SGCZ: variants seen among roughly 807,000 people sequenced by gnomAD.
The protein encoded by SGCZ is zeta-sarcoglycan.
Under a neutral mutation model 41.3 loss-of-function variants are expected in SGCZ, and 40 were observed. The observed-to-expected ratio is 0.97, with a 90% CI of 0.75 to 1.26. SGCZ has a LOEUF of 1.26. SGCZ is among the 50% of genes most tolerant of loss of function. The probability of loss-of-function intolerance (pLI) is 0.00; values close to 1 mark genes in which losing one functional copy is unlikely to be tolerated. For missense variants in SGCZ, 552 were observed against 369.8 expected, an observed-to-expected ratio of 1.49 and a Z score of -4.04; for synonymous variants, 206 against 137.5, an observed-to-expected ratio of 1.50 and a Z score of -3.49.
At chr8:14,848,016 T>G (rs925666170) in intron 1 of SGCZ, among the ~76,000 whole-genome samples, 1 of 152,052 alleles carries the variant, frequency 6.6e-6, no homozygotes, top group East Asian at 1.9e-4. Flanking sequence ...AAGAAGTTAC[T>G]GGAAATAATA....
intron 6 of SGCZ, among the ~76,000 whole-genome samples, chr8:14,104,523 A>ATTAT (rs1386219504): frequency 3.3e-5 from 5 of 152,178 alleles, no homozygotes. Context: ...GCAAGAGGCA[A>ATTAT]TTATTAAATA....
intron 2 of SGCZ, among the ~76,000 whole-genome samples, chr8:14,335,634 T>C (rs1198364433): frequency 3.3e-5 from 5 of 152,146 alleles, no homozygotes; most frequent in Non-Finnish European, 7.4e-5. Flanking sequence ...CATATATTAT[T>C]GTCTCTCTCC....
At chr8:14,254,506 T>C (rs539266639) in intron 3 of SGCZ, among the ~76,000 whole-genome samples, 5 of 152,188 alleles carry the variant, frequency 3.3e-5, no homozygotes, top group Admixed American at 1.3e-4. Flanking sequence ...AAGCAGTAAA[T>C]GAAATGAATG....
chr8:14,422,632 C>A (rs1220666505), intron 2 of SGCZ, among the ~76,000 whole-genome samples: 1 of 152,170 alleles, frequency 6.6e-6, no homozygotes, highest in Non-Finnish European at 1.5e-5. Flanking sequence ...CTAAGAAAAC[C>A]AGCCCAGACT....
intron 1 of SGCZ, among the ~76,000 whole-genome samples, chr8:14,676,991 G>A (rs1367631465): frequency 1.3e-5 from 2 of 151,582 alleles, no homozygotes; most frequent in East Asian, 1.9e-4. Flanking sequence ...AAATAAACAA[G>A]GATATAAAGA....
chr8:14,246,909 CAAA>C (rs5889525), intron 3 of SGCZ, among the ~76,000 whole-genome samples: 74 of 84,308 alleles, frequency 8.8e-4, no homozygotes, highest in African/African-American at 1.4e-3. Flanking sequence ...GACTCCATCT[CAAA>C]AAAAAAAAAA....
chr8:14,717,288 C>G (rs552787425), intron 1 of SGCZ, among the ~76,000 whole-genome samples: 1 of 152,036 alleles, frequency 6.6e-6, no homozygotes, highest in South Asian at 2.1e-4. Context: ...GTAGGGAATA[C>G]ATGCTTTCTT....
At chr8:14,156,011 T>C (rs1803865303) in intron 5 of SGCZ, among the ~76,000 whole-genome samples, 1 of 152,070 alleles carries the variant, frequency 6.6e-6, no homozygotes, top group Non-Finnish European at 1.5e-5. Context: ...GATTAAATAA[T>C]GGTACACCCC....
intron 1 of SGCZ, among the ~76,000 whole-genome samples, chr8:15,071,468 T>C (rs1805347487): frequency 6.6e-6 from 1 of 152,226 alleles, no homozygotes. Context: ...ACTTAAAGTT[T>C]CCTGTGTAAT....
intron 1 of SGCZ, among the ~76,000 whole-genome samples, chr8:14,896,334 T>G (rs571095544): frequency 7.9e-5 from 12 of 152,276 alleles, no homozygotes; most frequent in African/African-American, 2.9e-4. Context: ...CTCAAATATG[T>G]AGAAGTTAAA....
At chr8:14,399,831 T>A (rs1799022680) in intron 2 of SGCZ, among the ~76,000 whole-genome samples, 1 of 152,164 alleles carries the variant, frequency 6.6e-6, no homozygotes, top group Admixed American at 6.6e-5. Flanking sequence ...ATTTTTAACA[T>A]CCTTATTGAG....
chr8:14,937,687 T>C (rs2130815116), intron 1 of SGCZ, among the ~76,000 whole-genome samples: 1 of 152,284 alleles, frequency 6.6e-6, no homozygotes, highest in South Asian at 2.1e-4. Flanking sequence ...TGAATTGTGT[T>C]GAGCTCTTAA....
At chr8:14,757,357 T>C (rs1291951375) in intron 1 of SGCZ, among the ~76,000 whole-genome samples, 1 of 152,180 alleles carries the variant, frequency 6.6e-6, no homozygotes, top group African/African-American at 2.4e-5. Context: ...CTTTCAACTG[T>C]CTTTTTAACT....
At chr8:14,860,323 CT>C (rs1324929264) in intron 1 of SGCZ, among the ~76,000 whole-genome samples, 2 of 151,864 alleles carry the variant, frequency 1.3e-5, no homozygotes, top group Non-Finnish European at 2.9e-5. Context: ...TACATTTTAC[CT>C]TTCTGATGCA....
intron 1 of SGCZ, among the ~76,000 whole-genome samples, chr8:15,180,848 C>T (rs554745360): frequency 1.1e-3 from 161 of 151,296 alleles, no homozygotes; most frequent in Admixed American, 8.4e-3. Flanking sequence ...GATCATGCCA[C>T]TGCACTCCAG....
At position 14,331,035 on chromosome 8, in the gene SGCZ, A is replaced by G. The variant is rs201198911; in HGVS notation, c.235-6831T>C. On this transcript the variant is annotated intron_variant, in intron 2 of 7. Transcript: ENST00000382080. ...ATTCAATAGGAAGGAAGGTAGATAC[A>G]TGTGTTTTTATTATTTTGAATATCT... Among the ~76,000 whole-genome samples the G allele has an allele frequency of 1.2e-4, 19 of 152,020 alleles. No homozygotes were observed. In the East Asian group the frequency reaches 3.1e-3, roughly 25 times the overall value.
At chr8:15,145,012 C>G (rs967749027) in intron 1 of SGCZ, among the ~76,000 whole-genome samples, 5 of 152,146 alleles carry the variant, frequency 3.3e-5, no homozygotes, top group African/African-American at 9.7e-5. Context: ...AGCTGTTTAG[C>G]CCTGTAGATT....
chr8:14,676,629 C>T (rs956346546), intron 1 of SGCZ, among the ~76,000 whole-genome samples: 3 of 151,958 alleles, frequency 2.0e-5, no homozygotes, highest in Non-Finnish European at 2.9e-5. Context: ...ATATAAACCA[C>T]GATGTGTGGC....
intron 3 of SGCZ, among the ~76,000 whole-genome samples, chr8:14,299,181 T>C (rs1056270418): frequency 2.0e-5 from 3 of 151,978 alleles, no homozygotes; most frequent in Admixed American, 2.0e-4. Context: ...ATTGAAATGG[T>C]TGATAGGCCT....
Sources: allele counts gnomAD v4.1 joint callset (sites outside exome capture counted in the v4.1 genomes callset), GRCh38; gene constraint gnomAD v4.1.1; transcripts MANE v1.5; gene names NCBI Gene and HGNC (gene_info 2026-07-23, HGNC 2026-07-21).